The following DOCK2 variants were observed in gnomAD, a reference collection of about 807,000 sequenced individuals.
DOCK2 encodes dedicator of cytokinesis protein 2.
In DOCK2, 87 loss-of-function variants were observed where a neutral mutation model predicts 248.9. The ratio of observed to expected loss-of-function variants is 0.35; its 90% CI spans 0.29 to 0.42. DOCK2 has a LOEUF of 0.42. Ranked by LOEUF, DOCK2 falls within the 10% of genes least tolerant of loss-of-function variation. The probability of loss-of-function intolerance (pLI) is 1.00; values close to 1 mark genes in which losing one functional copy is unlikely to be tolerated. For missense variants in DOCK2, 1,747 were observed against 2,300.2 expected, an observed-to-expected ratio of 0.76 and a Z score of 4.92; for synonymous variants, 805 against 821.6, an observed-to-expected ratio of 0.98 and a Z score of 0.35.
Position 169,649,101 on chromosome 5 carries a change from G to C in DOCK2, c.44-5302G>C, listed in dbSNP as rs1350944323. On this transcript the variant is annotated intron_variant, in intron 1 of 51. Transcript: ENST00000520908. ...GCGCATTTCACTTGAATCCACCAAA[G>C]TGGACCTGCTGCTAGTTCTATTTCC... 2.0e-5 allele frequency among the ~76,000 whole-genome samples: 3 copies of C among 152,238 alleles called. No individual in the cohort carries two copies. In the East Asian group the frequency reaches 5.8e-4, roughly 29 times the overall value.
In DOCK2 at chr5:169,824,150, T is replaced by C. The variant is rs1343889802; in HGVS notation, c.2704-16607T>C. Among the ~76,000 whole-genome samples, 4 of 152,286 alleles carry C rather than the reference T, an allele frequency of 2.6e-5. No homozygotes were observed. In the East Asian group the frequency reaches 7.7e-4, roughly 29 times the overall value. ...TACAAAGAAATGGAAGAACATTCCA[T>C]GCTCATGGGTAGGAAGAATCAATAT... On this transcript the variant is annotated intron_variant, in intron 26 of 51. Coordinates refer to ENST00000520908, the MANE Select transcript of DOCK2 (RefSeq NM_004946.3).
At chr5:169,727,012 G>A (rs1762508496) in intron 22 of DOCK2, among the ~76,000 whole-genome samples, 1 of 151,500 alleles carries the variant, frequency 6.6e-6, no homozygotes, top group Non-Finnish European at 1.5e-5. Context: ...AGGTTGCAGT[G>A]AGCTGAGATC....
intron 25 of DOCK2, among the ~76,000 whole-genome samples, chr5:169,791,177 G>A (rs1483373178): frequency 6.6e-6 from 1 of 150,384 alleles, no homozygotes; most frequent in Non-Finnish European, 1.5e-5. Flanking sequence ...CTGGATAACA[G>A]GCATTGTGCT....
intron 44 of DOCK2, among the ~76,000 whole-genome samples, chr5:170,063,507 G>A (rs1440895559): frequency 6.6e-6 from 1 of 152,192 alleles, no homozygotes; most frequent in East Asian, 1.9e-4. Flanking sequence ...GCTACTTGAT[G>A]GCCTGGCAGC....
chr5:170,017,278 CA>C (rs150581790), intron 32 of DOCK2, among the ~76,000 whole-genome samples: 231 of 152,218 alleles, frequency 1.5e-3, no homozygotes, highest in African/African-American at 5.3e-3. Flanking sequence ...GCGAAGACCA[CA>C]AATGTTCATC....
chr5:169,770,949 A>G (rs1454468701), intron 25 of DOCK2, among the ~76,000 whole-genome samples: 1 of 152,236 alleles, frequency 6.6e-6, no homozygotes, highest in Non-Finnish European at 1.5e-5. Context: ...TAAATGTTCA[A>G]GAGTCTCCTT....
chr5:169,689,082 C>G (rs72841137), intron 8 of DOCK2, among the ~76,000 whole-genome samples, 170 bp from the exon 9 acceptor site: 4,879 of 152,116 alleles, frequency 0.032, 99 homozygotes, highest in Middle Eastern at 0.058. Context: ...ATGTCTGTCT[C>G]CCAACACAAC....
intron 27 of DOCK2, among the ~76,000 whole-genome samples, chr5:169,950,736 T>C (rs1364591527): frequency 6.6e-6 from 1 of 152,226 alleles, no homozygotes; most frequent in Non-Finnish European, 1.5e-5. Context: ...CACAGCATCA[T>C]TTGATCTCTT....
At chr5:169,906,394 A>AC (rs1299172794) in intron 27 of DOCK2, among the ~76,000 whole-genome samples, 1 of 152,202 alleles carries the variant, frequency 6.6e-6, no homozygotes, top group East Asian at 1.9e-4. Flanking sequence ...AATTAAAACC[A>AC]CCATCATTTG....
intron 22 of DOCK2, among the ~76,000 whole-genome samples, chr5:169,720,593 T>C (rs1205898502): frequency 6.6e-6 from 1 of 152,180 alleles, no homozygotes; most frequent in Non-Finnish European, 1.5e-5. Flanking sequence ...CTTGTGGAAT[T>C]ATACAGAGTT....
chr5:169,844,257 G>C (rs1250169633), intron 27 of DOCK2, among the ~76,000 whole-genome samples: 1 of 152,218 alleles, frequency 6.6e-6, no homozygotes, highest in Non-Finnish European at 1.5e-5. Flanking sequence ...CAGTAGATGA[G>C]TTTATTATGA....
intron 30 of DOCK2, among the ~76,000 whole-genome samples, chr5:170,008,215 ACAAC>A (rs1209970092): frequency 0.017 from 1,490 of 88,672 alleles, 36 homozygotes; most frequent in African/African-American, 0.065. Context: ...AACAACAACA[ACAAC>A]AACAACAAAA....
chr5:169,867,836 C>G (rs1771687771), intron 27 of DOCK2, among the ~76,000 whole-genome samples: 1 of 152,184 alleles, frequency 6.6e-6, no homozygotes, highest in African/African-American at 2.4e-5. Flanking sequence ...TCATTCTCCC[C>G]AGTGGAAACT....
chr5:169,652,134 C>T (rs1460568221), intron 1 of DOCK2, among the ~76,000 whole-genome samples: 1 of 152,212 alleles, frequency 6.6e-6, no homozygotes, highest in African/African-American at 2.4e-5. Flanking sequence ...GGAGATTCAG[C>T]CACTTGCTCA....
At chr5:169,668,036 T>A (rs1758831781) in intron 2 of DOCK2, among the ~76,000 whole-genome samples, 1 of 152,142 alleles carries the variant, frequency 6.6e-6, no homozygotes, top group African/African-American at 2.4e-5. Flanking sequence ...ATAGGAAGCA[T>A]AGGTGATAGT....
chr5:170,037,282 G>T (rs902543992), intron 36 of DOCK2, among the ~76,000 whole-genome samples: 1 of 151,398 alleles, frequency 6.6e-6, no homozygotes. Flanking sequence ...TGCAAAAATG[G>T]GTTTATATTA....
intron 27 of DOCK2, among the ~76,000 whole-genome samples, chr5:169,966,607 G>T (rs1777309744): frequency 6.6e-6 from 1 of 152,256 alleles, no homozygotes; most frequent in Admixed American, 6.5e-5. Context: ...CTCAGCATAG[G>T]ACCTGGCTCC....
At chr5:169,644,252 A>G (rs936870008) in intron 1 of DOCK2, among the ~76,000 whole-genome samples, 2 of 152,180 alleles carry the variant, frequency 1.3e-5, no homozygotes, top group African/African-American at 4.8e-5. Flanking sequence ...AGGATTGAAC[A>G]TAGCAGTTTT....
intron 27 of DOCK2, among the ~76,000 whole-genome samples, chr5:169,981,683 C>G (rs900034256): frequency 2.0e-5 from 3 of 152,148 alleles, no homozygotes; most frequent in Non-Finnish European, 2.9e-5. Flanking sequence ...CCACCCTGAT[C>G]AGTCAGCAGC....
Sources: allele counts gnomAD v4.1 joint callset (sites outside exome capture counted in the v4.1 genomes callset), GRCh38; gene constraint gnomAD v4.1.1; transcripts MANE v1.5; gene names NCBI Gene and HGNC (gene_info 2026-07-23, HGNC 2026-07-21).